The following ANK3 variants were observed in gnomAD, a reference collection of about 807,000 sequenced individuals.
The protein encoded by ANK3 is ankyrin 3.
Under a neutral mutation model 370.9 loss-of-function variants are expected in ANK3, and 57 were observed. The observed-to-expected ratio is 0.15, with a 90% CI of 0.12 to 0.19. ANK3 has a LOEUF of 0.19. Among genes scored for constraint, ANK3 ranks in the 10% least tolerant of loss-of-function variants. The pLI is 1.00. For missense variants in ANK3, 4,439 were observed against 5,302.1 expected, an observed-to-expected ratio of 0.84 and a Z score of 5.06; for synonymous variants, 1,929 against 1,946.3, an observed-to-expected ratio of 0.99 and a Z score of 0.23.
At chr10:60,174,840 A>C (rs780431627) in intron 18 of ANK3, among the ~76,000 whole-genome samples, 1 of 151,950 alleles carries the variant, frequency 6.6e-6, no homozygotes, top group Admixed American at 6.6e-5. Flanking sequence ...GGCTCAATCT[A>C]TCTCAAGTAG....
Position 60,342,755 on chromosome 10 carries a change from C to T in ANK3, c.114+46670G>A, listed in dbSNP as rs144261480. 2.9e-4 allele frequency among the ~76,000 whole-genome samples: 44 copies of T among 152,174 alleles called. No homozygotes were observed. The East Asian group carries it at 5.2e-3, about 18-fold the overall frequency. Reference sequence around the variant, plus strand: ...AAATGAGGTCATCTGGATCTGGAATCGAGAGATCCTATATGGCAGTGCTTT... The same window carrying T: ...AAATGAGGTCATCTGGATCTGGAATTGAGAGATCCTATATGGCAGTGCTTT... On this transcript the variant is annotated intron_variant, in intron 1 of 43. Transcript: ENST00000280772.
At chr10:60,550,681 A>G (rs78325903) in intron 2 of ANK3, among the ~76,000 whole-genome samples, 3,624 of 152,204 alleles carry the variant, frequency 0.024, 168 homozygotes, top group African/African-American at 0.083. Flanking sequence ...TAACTTTACA[A>G]TTATGCATCT....
chr10:60,614,874 C>T (rs1478789094), intron 2 of ANK3, among the ~76,000 whole-genome samples: 1 of 152,064 alleles, frequency 6.6e-6, no homozygotes, highest in East Asian at 1.9e-4. Context: ...GTCTTGGTTA[C>T]TCTGTACCTG....
At chr10:60,598,803 A>C (rs2078022782) in intron 2 of ANK3, among the ~76,000 whole-genome samples, 1 of 152,210 alleles carries the variant, frequency 6.6e-6, no homozygotes, top group African/African-American at 2.4e-5. Flanking sequence ...CATCAGAAAT[A>C]TTATTACTAA....
At chr10:60,436,019 C>T (rs934908862) in intron 2 of ANK3, among the ~76,000 whole-genome samples, 1 of 151,360 alleles carries the variant, frequency 6.6e-6, no homozygotes, top group Admixed American at 6.6e-5. Context: ...ACCCGGAAGG[C>T]GGAGCTTGCA....
chr10:60,069,434 C>T lies in ANK3; in HGVS notation c.11447G>A (p.Cys3816Tyr), dbSNP rs762286836. ...IVLTEHSAPTCTTEKDNPVKV... is the reference protein window; with the variant it reads ...IVLTEHSAPTYTTEKDNPVKV... ...CACTGGGTTATCTTTCTCTGTGGTA[C>T]AAGTGGGTGCAGAATGTTCTGTCAG... The change falls in exon 37 of 44, where the codon TGT (cysteine) becomes TAT (tyrosine). Residue 3816 changes from cysteine to tyrosine, a missense_variant. Cys to Tyr is a radical substitution (Grantham distance 194). Coordinates refer to ENST00000280772, the MANE Select transcript of ANK3 (RefSeq NM_020987.5). 6.2e-7 allele frequency: 1 copy of T among 1,613,900 alleles called. No individual in the cohort carries two copies. The highest frequency in any genetic ancestry group is 1.7e-5 in the Admixed American group (1 of 59,976).
At chr10:60,615,346 G>A in intron 1 of ANK3, 1 of 540,468 alleles carries the variant, frequency 1.9e-6, no homozygotes, top group South Asian at 4.1e-5. Context: ...CCTTAAAAGG[G>A]GAGAACACAA....
chr10:60,139,330 A>C (rs2094472035), intron 23 of ANK3: 1 of 465,026 alleles, frequency 2.2e-6, no homozygotes, highest in East Asian at 3.5e-5. Context: ...CAAATCTGAA[A>C]ACATTACCCG....
Position 60,072,308 on chromosome 10 carries a change from G to A in ANK3, c.8573C>T (p.Ser2858Leu), listed in dbSNP as rs78194762. ...CTGAGACTTATTGTTAGTGGCTCCC[G>A]AACTCTCCCATGTTCTAAAGACCTT... Reference protein sequence around the residue: ...DKKVFRTWESSGATNNKSQKE... With the variant: ...DKKVFRTWESLGATNNKSQKE... The change falls in exon 37 of 44, where the codon TCG becomes TTG. Residue 2858 changes from serine to leucine, a missense_variant. Coordinates refer to ENST00000280772, the MANE Select transcript of ANK3 (RefSeq NM_020987.5). 3.7e-4 allele frequency: 599 copies of A among 1,612,426 alleles called. 1 individual carries two copies. The highest frequency in any genetic ancestry group is 5.2e-4 in the Admixed American group (31 of 59,916).
At chr10:60,228,908 C>T (rs368011100) in intron 8 of ANK3, among the ~76,000 whole-genome samples, 6 of 152,204 alleles carry the variant, frequency 3.9e-5, no homozygotes, top group South Asian at 4.1e-4. Flanking sequence ...ACCAGGCATA[C>T]GACATTTATT....
At chr10:60,581,344 C>T (rs1000448035) in intron 2 of ANK3, among the ~76,000 whole-genome samples, 5 of 151,632 alleles carry the variant, frequency 3.3e-5, no homozygotes, top group African/African-American at 1.2e-4. Flanking sequence ...ATTAGGGGTA[C>T]CAAGCATCTT....
intron 2 of ANK3, among the ~76,000 whole-genome samples, chr10:60,502,951 AAAG>A (rs1420402808): frequency 6.6e-6 from 1 of 151,892 alleles, no homozygotes; most frequent in Non-Finnish European, 1.5e-5. Context: ...GGAAGGAAGT[AAAG>A]AAGGAAGGAA....
intron 1 of ANK3, among the ~76,000 whole-genome samples, chr10:60,337,435 C>T (rs1044684481): frequency 5.9e-5 from 9 of 152,130 alleles, no homozygotes; most frequent in African/African-American, 2.2e-4. Flanking sequence ...TCACATTTTC[C>T]CACCATTTCT....
rs528840955 is a variant in ANK3 at position 60,509,190 on chromosome 10, CTCTTG to C, written c.96+105991_96+105995del. ...AAAGTATATTTTAAGACAAACATTC[CTCTTG>C]TCTTGAGACATAGGAAATATGCAAA... On this transcript the variant is annotated intron_variant, in intron 2 of 43. Coordinates refer to the ANK3 transcript ENST00000373827. Among the ~76,000 whole-genome samples the C allele has an allele frequency of 5.4e-3, 827 of 152,150 alleles. 11 individuals carry two copies. The highest frequency in any genetic ancestry group is 0.019 in the African/African-American group (783 of 41,540).
At chr10:60,293,018 A>G (rs1251669259) in intron 1 of ANK3, among the ~76,000 whole-genome samples, 1 of 152,092 alleles carries the variant, frequency 6.6e-6, no homozygotes, top group Non-Finnish European at 1.5e-5. Flanking sequence ...CCAGGGTCCT[A>G]AACTTTCTAT....
At chr10:60,270,628 G>A (rs1182020274) in intron 4 of ANK3, among the ~76,000 whole-genome samples, 2 of 152,074 alleles carry the variant, frequency 1.3e-5, no homozygotes, top group African/African-American at 4.8e-5. Flanking sequence ...AGTCACTGTA[G>A]CTCCCAAGCA....
At chr10:60,034,545 T>G (rs1459417937) in intron 43 of ANK3, among the ~76,000 whole-genome samples, 2 of 152,252 alleles carry the variant, frequency 1.3e-5, no homozygotes, top group South Asian at 2.1e-4. Flanking sequence ...TGATTTTGTA[T>G]CCACCTATAC....
chr10:60,237,197 C>T (rs189648731), intron 7 of ANK3, among the ~76,000 whole-genome samples: 19 of 152,342 alleles, frequency 1.2e-4, no homozygotes, highest in Non-Finnish European at 2.5e-4. Context: ...AATTTCATGA[C>T]GACTTTCAGA....
chr10:60,404,019 A>T (rs1384405730), intron 2 of ANK3, among the ~76,000 whole-genome samples: 2 of 152,210 alleles, frequency 1.3e-5, no homozygotes, highest in Non-Finnish European at 2.9e-5. Flanking sequence ...AAAAACCATA[A>T]AGTACTTTGG....
Sources: gnomAD v4.1 joint callset for allele counts (sites outside exome capture counted in the v4.1 genomes callset) on GRCh38, gnomAD v4.1.1 for gene constraint, MANE v1.5 for transcripts, NCBI Gene and HGNC (gene_info 2026-07-23, HGNC 2026-07-21) for gene names.